Variants in LHFPL3 observed in about 807,000 individuals in gnomAD.
LHFPL3 encodes LHFPL tetraspan subfamily member 3, also known as LHFPL tetraspan subfamily member 3 protein.
In LHFPL3, 5 loss-of-function variants were observed where a neutral mutation model predicts 19.3. That is an observed-to-expected ratio of 0.26 (90% CI 0.14 to 0.54). The LOEUF (loss-of-function observed/expected upper bound fraction) is 0.54, where lower values mean the gene tolerates loss of function less well. Among genes scored for constraint, LHFPL3 ranks in the 20% least tolerant of loss-of-function variants. LHFPL3 has a pLI of 0.94. For synonymous variants in LHFPL3, 133 were observed against 126.2 expected (o/e 1.05, Z -0.36); for missense variants, 249 against 307.4 (o/e 0.81, Z 1.42).
chr7:104,352,736 G>A (rs11975233), intron 1 of LHFPL3, among the ~76,000 whole-genome samples: 13,273 of 152,256 alleles, frequency 0.087, 1,283 homozygotes, highest in African/African-American at 0.24. Context: ...CTCCAGGGGT[G>A]GAGGTTTCTC....
chr7:104,538,278 G>GA (rs1794424289), intron 1 of LHFPL3, among the ~76,000 whole-genome samples: 1 of 152,140 alleles, frequency 6.6e-6, no homozygotes, highest in Admixed American at 6.6e-5. Context: ...TAAAGCTCAG[G>GA]AAGCCTAACC....
At chr7:104,795,125 G>T (rs910292014) in intron 2 of LHFPL3, among the ~76,000 whole-genome samples, 2 of 152,216 alleles carry the variant, frequency 1.3e-5, no homozygotes, top group East Asian at 1.9e-4. Context: ...AAACCTTTCC[G>T]GAAAGATGGG....
intron 1 of LHFPL3, among the ~76,000 whole-genome samples, chr7:104,574,906 C>G (rs894925793): frequency 1.3e-5 from 2 of 152,098 alleles, no homozygotes; most frequent in Admixed American, 6.6e-5. Flanking sequence ...ATATGACACT[C>G]CATGTATGCA....
chr7:104,728,197 C>G (rs1793626030), intron 1 of LHFPL3, among the ~76,000 whole-genome samples: 1 of 152,152 alleles, frequency 6.6e-6, no homozygotes, highest in African/African-American at 2.4e-5. Flanking sequence ...TGGTCTCTGT[C>G]TCCTCCAGAC....
chr7:104,832,107 A>G (rs1395021243), intron 2 of LHFPL3, among the ~76,000 whole-genome samples: 3 of 152,042 alleles, frequency 2.0e-5, no homozygotes, highest in Admixed American at 2.0e-4. Flanking sequence ...TGAAACTCAC[A>G]GAAGTCAGCA....
chr7:104,720,004 G>C (rs1297589925), intron 1 of LHFPL3, among the ~76,000 whole-genome samples: 1 of 152,172 alleles, frequency 6.6e-6, no homozygotes, highest in African/African-American at 2.4e-5. Flanking sequence ...GAGCGATGGA[G>C]GAAGATGGGA....
intron 2 of LHFPL3, among the ~76,000 whole-genome samples, chr7:104,794,345 C>T (rs561969102): frequency 1.3e-5 from 2 of 152,242 alleles, no homozygotes; most frequent in South Asian, 2.1e-4. Flanking sequence ...AAAGAACAAT[C>T]AAAACATGGG....
chr7:104,485,733 T>G (rs1392766959), intron 1 of LHFPL3, among the ~76,000 whole-genome samples: 4 of 152,150 alleles, frequency 2.6e-5, no homozygotes, highest in Non-Finnish European at 4.4e-5. Context: ...ACTCATCATT[T>G]ACATTAGGTG....
intron 1 of LHFPL3, among the ~76,000 whole-genome samples, chr7:104,614,692 T>C (rs199905230): frequency 0.27 from 18,207 of 67,242 alleles, 1,803 homozygotes; most frequent in Non-Finnish European, 0.34. Context: ...TCTTTCTTTC[T>C]TTCTTTCTTT....
chr7:104,879,802 A>C (rs1012361111), intron 2 of LHFPL3, among the ~76,000 whole-genome samples: 1 of 152,250 alleles, frequency 6.6e-6, no homozygotes, highest in Non-Finnish European at 1.5e-5. Flanking sequence ...ACGTGGCTAC[A>C]CCAAATAACA....
At chr7:104,860,894 G>C (rs2116635332) in intron 2 of LHFPL3, among the ~76,000 whole-genome samples, 1 of 152,260 alleles carries the variant, frequency 6.6e-6, no homozygotes, top group African/African-American at 2.4e-5. Flanking sequence ...AAGGAGACAG[G>C]AGAATTTAAT....
chr7:104,610,459 T>A (rs996122891), intron 1 of LHFPL3, among the ~76,000 whole-genome samples: 2 of 152,012 alleles, frequency 1.3e-5, no homozygotes, highest in Admixed American at 6.6e-5. Flanking sequence ...ATCATGGAGG[T>A]TGAGAAATCC....
At chr7:104,788,827 C>T (rs1304685071) in intron 2 of LHFPL3, among the ~76,000 whole-genome samples, 1 of 152,088 alleles carries the variant, frequency 6.6e-6, no homozygotes, top group East Asian at 1.9e-4. Flanking sequence ...TTCACTCGTT[C>T]CCTCTCTCAC....
chr7:104,846,770 G>T (rs1791321293), intron 2 of LHFPL3, among the ~76,000 whole-genome samples: 1 of 152,160 alleles, frequency 6.6e-6, no homozygotes, highest in Non-Finnish European at 1.5e-5. Context: ...CCCTGTCCTG[G>T]CTCTGCTATG....
chr7:104,741,461 CAAA>C (rs5886331), intron 2 of LHFPL3, among the ~76,000 whole-genome samples: 30 of 92,886 alleles, frequency 3.2e-4, no homozygotes, highest in East Asian at 1.0e-3. Context: ...TTCTTTATGC[CAAA>C]AAAAAAAAAA....
intron 1 of LHFPL3, among the ~76,000 whole-genome samples, chr7:104,653,779 T>A (rs1792075202): frequency 6.6e-6 from 1 of 152,132 alleles, no homozygotes; most frequent in Non-Finnish European, 1.5e-5. Context: ...CCTGCAAAAA[T>A]TCATCCCTCC....
intron 1 of LHFPL3, among the ~76,000 whole-genome samples, chr7:104,638,853 C>T (rs935232956): frequency 6.6e-6 from 1 of 150,936 alleles, no homozygotes; most frequent in East Asian, 1.9e-4. Flanking sequence ...GTCTTGACCT[C>T]GAAGGCTCAA....
intron 1 of LHFPL3, among the ~76,000 whole-genome samples, chr7:104,573,768 C>T (rs1422347813): frequency 6.6e-6 from 1 of 152,158 alleles, no homozygotes; most frequent in Non-Finnish European, 1.5e-5. Context: ...GAGACAGTCC[C>T]CTCTTCTCTC....
intron 2 of LHFPL3, among the ~76,000 whole-genome samples, chr7:104,824,987 C>G (rs941137451): frequency 2.0e-5 from 3 of 147,512 alleles, no homozygotes; most frequent in African/African-American, 7.6e-5. Flanking sequence ...TTATGACTTA[C>G]CTTCTTTGAA....
Sources: gnomAD v4.1 joint callset for allele counts (sites outside exome capture counted in the v4.1 genomes callset) on GRCh38, gnomAD v4.1.1 for gene constraint, MANE v1.5 for transcripts, NCBI Gene and HGNC (gene_info 2026-07-23, HGNC 2026-07-21) for gene names.